Variants in RFX7 observed in about 807,000 individuals in gnomAD.
RFX7 encodes regulatory factor X7.
Under a neutral mutation model 111.8 loss-of-function variants are expected in RFX7, and 26 were observed. The observed-to-expected ratio is 0.23, with a 90% CI of 0.17 to 0.32. The LOEUF is 0.32. Ranked by LOEUF, RFX7 falls within the 10% of genes least tolerant of loss-of-function variation. The pLI, the probability that RFX7 is intolerant of heterozygous loss-of-function variation, is 1.00. For synonymous variants in RFX7, 624 were observed against 624.4 expected, an observed-to-expected ratio of 1.00 and a Z score of 0.01; for missense variants, 1,573 against 1,772.9, an observed-to-expected ratio of 0.89 and a Z score of 2.02.
intron 3 of RFX7, among the ~76,000 whole-genome samples, chr15:56,169,770 G>T (rs1595983737): frequency 7.7e-6 from 1 of 129,250 alleles, no homozygotes. Context: ...AATCCTTCCT[G>T]CATTTATGCA....
At chr15:56,224,360 AGAAGAAAATAAATATTTT>A (rs1432269799) in intron 2 of RFX7, among the ~76,000 whole-genome samples, 4 of 152,132 alleles carry the variant, frequency 2.6e-5, no homozygotes, top group Admixed American at 2.6e-4. Context: ...CACATTAAAA[AGAAGAAAATAAATATTTT>A]GAAAACTGTA....
At chr15:56,159,660 TTC>T (rs1204219740) in intron 3 of RFX7, among the ~76,000 whole-genome samples, 2 of 152,202 alleles carry the variant, frequency 1.3e-5, no homozygotes, top group Admixed American at 1.3e-4. Flanking sequence ...TTCATTTCTC[TTC>T]TGTCATAAAG....
At chr15:56,182,955 G>C (rs2042991143) in intron 2 of RFX7, among the ~76,000 whole-genome samples, 1 of 151,990 alleles carries the variant, frequency 6.6e-6, no homozygotes, top group African/African-American at 2.4e-5. Flanking sequence ...TCCATTAGCA[G>C]TATATGATAG....
chr15:56,230,954 T>A (rs12594121), intron 2 of RFX7, among the ~76,000 whole-genome samples: 2 of 151,902 alleles, frequency 1.3e-5, no homozygotes, highest in African/African-American at 4.8e-5. Context: ...CAAAATTAGC[T>A]GGGTGTGGTG....
At chr15:56,137,677 T>C (rs1437331884) in intron 5 of RFX7, among the ~76,000 whole-genome samples, 1 of 151,942 alleles carries the variant, frequency 6.6e-6, no homozygotes, top group African/African-American at 2.4e-5. Flanking sequence ...TGTTTGCTCT[T>C]GCATTTCTAG....
intron 5 of RFX7, among the ~76,000 whole-genome samples, chr15:56,120,762 G>T (rs1280976808): frequency 1.3e-5 from 2 of 152,024 alleles, no homozygotes; most frequent in African/African-American, 2.4e-5. Flanking sequence ...TGTATCTGTT[G>T]TATGTTTTTA....
At chr15:56,146,640 A>G (rs1342310447) in intron 3 of RFX7, among the ~76,000 whole-genome samples, 1 of 152,186 alleles carries the variant, frequency 6.6e-6, no homozygotes, top group Non-Finnish European at 1.5e-5. Flanking sequence ...AAATTTCAGA[A>G]GATGTTCTAA....
chr15:56,146,079 A>G (rs2042464408), intron 3 of RFX7, among the ~76,000 whole-genome samples: 1 of 152,030 alleles, frequency 6.6e-6, no homozygotes, highest in Non-Finnish European at 1.5e-5. Context: ...TGTCTTAAAT[A>G]TGGTTCCTGA....
In RFX7 at chr15:56,091,266, A is replaced by T. The variant is rs2041592721; in HGVS notation, c.*2079T>A. On this transcript the variant is annotated 3_prime_UTR_variant, in exon 10 of 10. Coordinates refer to ENST00000559447, the MANE Select transcript of RFX7 (RefSeq NM_022841.7). ...CACTTTGATGACATTTTGTCTTTTC[A>T]TAATGAAACACATTTAAAAAGTTTA... is the stretch of plus-strand genomic sequence containing the variant. 1 of 152,572 alleles carries T rather than the reference A, an allele frequency of 6.6e-6. No homozygotes were observed. Among genetic ancestry groups the T allele is most frequent in the African/African-American group, 2.4e-5 (1 of 41,454 alleles). 9.5% of individuals were successfully genotyped at this position (152,572 alleles called of 1,614,324 possible).
intron 6 of RFX7, 92 bp downstream of exon 6, chr15:56,103,462 T>G: frequency 1.4e-6 from 1 of 733,082 alleles, no homozygotes; most frequent in Non-Finnish European, 2.2e-6. Context: ...AGTTTATTTC[T>G]AAATAAAGTT....
intron 2 of RFX7, among the ~76,000 whole-genome samples, chr15:56,222,582 T>G (rs1356049053): frequency 1.3e-5 from 2 of 152,192 alleles, no homozygotes; most frequent in Non-Finnish European, 2.9e-5. Flanking sequence ...TTCTTCGTAG[T>G]TTCCAATCTG....
chr15:56,099,257 C>T (rs1362826338), intron 8 of RFX7, among the ~76,000 whole-genome samples: 2 of 152,112 alleles, frequency 1.3e-5, no homozygotes, highest in African/African-American at 2.4e-5. Flanking sequence ...TTTTCTTTTC[C>T]CCATCCCAAT....
intron 2 of RFX7, among the ~76,000 whole-genome samples, chr15:56,190,228 A>G (rs1330537300): frequency 1.3e-5 from 2 of 152,206 alleles, no homozygotes; most frequent in East Asian, 3.9e-4. Context: ...CAGACAACAT[A>G]ATGCAATGCT....
Position 56,145,750 on chromosome 15 carries a change from A to T in RFX7, c.196-1267T>A, listed in dbSNP as rs557349544. On this transcript the variant is annotated intron_variant, in intron 3 of 9. Transcript: ENST00000559447. ...TTAATCCTTTATTTAGCCCTCTAAC[A>T]CTCTGCCCCATCTTCTTCCAGTCTC... Among the ~76,000 whole-genome samples, 6 of 151,984 alleles carry T rather than the reference A, an allele frequency of 3.9e-5. No individual in the cohort carries two copies. The South Asian group carries it at 1.0e-3, about 26-fold the overall frequency.
chr15:56,125,981 T>A (rs2042140184), intron 5 of RFX7, among the ~76,000 whole-genome samples: 1 of 152,176 alleles, frequency 6.6e-6, no homozygotes, highest in Admixed American at 6.5e-5. Context: ...TCATAGTTTA[T>A]GCTTTTTACA....
At chr15:56,101,975 C>T (rs1325249437) in intron 7 of RFX7, among the ~76,000 whole-genome samples, 194 bp downstream of exon 7, 1 of 152,132 alleles carries the variant, frequency 6.6e-6, no homozygotes, top group Non-Finnish European at 1.5e-5. Flanking sequence ...AACTTCTAAA[C>T]TTTTGTTCCC....
At chr15:56,239,114 G>A (rs567709792) in intron 2 of RFX7, among the ~76,000 whole-genome samples, 29 of 152,242 alleles carry the variant, frequency 1.9e-4, no homozygotes, top group East Asian at 5.8e-4. Context: ...GATTACAGGC[G>A]TGAGCCACTG....
chr15:56,144,329 T>TA (rs2042439744), intron 4 of RFX7, 72 bp downstream of exon 4: 1 of 739,698 alleles, frequency 1.4e-6, no homozygotes, highest in Middle Eastern at 3.0e-4. Flanking sequence ...AACCAAAACA[T>TA]ACAGACCTCA....
chr15:56,181,826 G>GA (rs869061826), intron 2 of RFX7, among the ~76,000 whole-genome samples: 1 of 116 alleles, frequency 8.6e-3, no homozygotes, highest in Non-Finnish European at 0.015. Context: ...TTTTAAAGCA[G>GA]GGTCCCCAAC....
Sources: gnomAD v4.1 joint callset for allele counts (sites outside exome capture counted in the v4.1 genomes callset) on GRCh38, gnomAD v4.1.1 for gene constraint, MANE v1.5 for transcripts, NCBI Gene and HGNC (gene_info 2026-07-23, HGNC 2026-07-21) for gene names.